The following USH2A variants were observed in gnomAD, a reference collection of about 807,000 sequenced individuals.
USH2A encodes the protein usherin.
A neutral mutation model predicts 538.9 loss-of-function variants in USH2A; 443 were observed. That is an observed-to-expected ratio of 0.82 (90% CI 0.76 to 0.89). USH2A has a LOEUF of 0.89. USH2A is among the 40% of genes least tolerant of loss of function. The pLI is 0.00. For synonymous variants in USH2A, 2,413 were observed against 2,273.5 expected (o/e 1.06, Z -1.75); for missense variants, 6,633 against 6,324.8 (o/e 1.05, Z -1.65).
chr1:215,955,968 G>T (rs921062291), intron 37 of USH2A, among the ~76,000 whole-genome samples: 2 of 152,160 alleles, frequency 1.3e-5, no homozygotes, highest in Non-Finnish European at 2.9e-5. Context: ...TCAGAGAAGG[G>T]AATTCCTTGC....
intron 3 of USH2A, among the ~76,000 whole-genome samples, chr1:216,377,866 A>AAG (rs2038863362): frequency 1.4e-5 from 2 of 141,800 alleles, no homozygotes; most frequent in Admixed American, 7.2e-5. Flanking sequence ...AAAGAAAGAA[A>AAG]GAAGGAAAGA....
chr1:216,224,680 T>G (rs2035526343), intron 14 of USH2A, among the ~76,000 whole-genome samples: 1 of 152,094 alleles, frequency 6.6e-6, no homozygotes, highest in Non-Finnish European at 1.5e-5. Flanking sequence ...TATTTTGCCC[T>G]TGGGAATACA....
intron 32 of USH2A, among the ~76,000 whole-genome samples, chr1:216,013,276 A>G (rs1485969067): frequency 2.0e-5 from 3 of 147,264 alleles, no homozygotes; most frequent in African/African-American, 7.5e-5. Context: ...ACCCCTTACC[A>G]CAAGACCTCC....
intron 3 of USH2A, among the ~76,000 whole-genome samples, chr1:216,374,060 G>A (rs12742138): frequency 7.4e-6 from 1 of 134,906 alleles, no homozygotes; most frequent in African/African-American, 2.8e-5. Context: ...CAATGAGAAC[G>A]CATGGACACA....
At chr1:216,097,586 G>A (rs981876228) in intron 21 of USH2A, among the ~76,000 whole-genome samples, 1 of 152,144 alleles carries the variant, frequency 6.6e-6, no homozygotes, top group African/African-American at 2.4e-5. Context: ...GAAACACAGA[G>A]GGTCTTGCTT....
chr1:216,325,727 A>C, intron 5 of USH2A, 128 bp from the exon 6 acceptor site: 1 of 891,930 alleles, frequency 1.1e-6, no homozygotes, highest in Non-Finnish European at 1.6e-6. Flanking sequence ...TAATAATTTG[A>C]TGCATGAAAC....
In USH2A at chr1:216,046,245, G is replaced by A. The variant is rs1178110444; in HGVS notation, c.6325+186C>T. On this transcript the variant is annotated intron_variant, in intron 32 of 71. Transcript: ENST00000307340. ...CAATGTAAATGCTATGTAAATAGTT[G>A]TTATACTATGTTTTTAGAATTTATA... Among the ~76,000 whole-genome samples the A allele has an allele frequency of 2.0e-5, 3 of 151,840 alleles. No homozygotes were observed. The East Asian group carries it at 5.8e-4, about 29-fold the overall frequency.
chr1:215,955,922 G>T (rs1480662311), intron 37 of USH2A, among the ~76,000 whole-genome samples: 1 of 152,154 alleles, frequency 6.6e-6, no homozygotes, highest in Non-Finnish European at 1.5e-5. Context: ...ATCCAAGGAA[G>T]TTGATCCCTA....
chr1:216,143,123 G>GTCT (rs1189827426), intron 21 of USH2A, among the ~76,000 whole-genome samples: 2 of 151,964 alleles, frequency 1.3e-5, no homozygotes, highest in Non-Finnish European at 2.9e-5. Flanking sequence ...TGCCAAACTT[G>GTCT]TCTATGTTGT....
At position 216,321,866 on chromosome 1, in the gene USH2A, CA is replaced by C. The variant is rs2037617296; in HGVS notation, c.1644+16del. 9 of 1,604,638 alleles carry C rather than the reference CA, an allele frequency of 5.6e-6. No homozygotes were observed. Among genetic ancestry groups the C allele is most frequent in the Non-Finnish European group, 7.7e-6 (9 of 1,171,516 alleles). On this transcript the variant is annotated intron_variant, in intron 9 of 71. Coordinates refer to ENST00000307340, the MANE Select transcript of USH2A (RefSeq NM_206933.4). ...ACTATTTTTTTTTTAGATTTCCATG[CA>C]TAAAATAGAACTCACATGAAGTCCT...
rs368734997 is a variant in USH2A at position 216,145,759 on chromosome 1, A to G, written c.4627+29493T>C. On this transcript the variant is annotated intron_variant, in intron 21 of 71. Coordinates refer to ENST00000307340, the MANE Select transcript of USH2A (RefSeq NM_206933.4). ...CACCACAAAAGAAGTGTAAATGGCC[A>G]GTCCTTGCCTTAACTGATGACATTA... 7.1e-3 allele frequency among the ~76,000 whole-genome samples: 1,084 copies of G among 152,286 alleles called. 9 individuals carry two copies. The highest frequency in any genetic ancestry group is 0.024 in the South Asian group (115 of 4,824).
At chr1:216,235,895 G>C (rs1029182818) in intron 13 of USH2A, among the ~76,000 whole-genome samples, 5 of 152,128 alleles carry the variant, frequency 3.3e-5, no homozygotes, top group Non-Finnish European at 5.9e-5. Flanking sequence ...AGGGATGGGT[G>C]GCTCACCTAT....
At chr1:215,755,917 T>C (rs1434642569) in intron 58 of USH2A, among the ~76,000 whole-genome samples, 3 of 152,180 alleles carry the variant, frequency 2.0e-5, no homozygotes, top group Non-Finnish European at 4.4e-5. Flanking sequence ...AATGACACGC[T>C]GGGAAATTTG....
chr1:216,134,738 T>C (rs1415618126), intron 21 of USH2A, among the ~76,000 whole-genome samples: 4 of 152,056 alleles, frequency 2.6e-5, no homozygotes, highest in African/African-American at 4.8e-5. Flanking sequence ...ATAAGACAGA[T>C]TCCATTGTTT....
chr1:216,175,509 T>C (rs1256701037), intron 20 of USH2A, 27 bp from the exon 21 acceptor site: 2 of 1,611,250 alleles, frequency 1.2e-6, no homozygotes, highest in African/African-American at 2.7e-5. Context: ...ACCTGTTATA[T>C]TCAAGAATTT....
At chr1:216,065,701 A>C (rs2031335207) in intron 30 of USH2A, among the ~76,000 whole-genome samples, 1 of 152,086 alleles carries the variant, frequency 6.6e-6, no homozygotes, top group South Asian at 2.1e-4. Flanking sequence ...GTTCGAGACC[A>C]GCCTGGCCAA....
rs1571703904 is a variant in USH2A at position 216,325,516 on chromosome 1, A to C, written c.932T>G (p.Val311Gly). Residue 311 changes from valine to glycine, a missense_variant, in exon 6 of 72, where the codon GTC becomes GGC. Transcript: ENST00000307340. ...GCAGTACCGCTGTGCCAAAGGGTGG[A>C]CCCGCGGGTGGCTGCCAGGGCAACG... ...HCRCPGSHPR[V>G]HPLAQRYCIP... The C allele has an allele frequency of 6.2e-7, 1 of 1,613,656 alleles. No individual in the cohort carries two copies.
Position 215,927,006 on chromosome 1 carries a change from C to A in USH2A, c.7300+7610G>T, listed in dbSNP as rs1666254831. ...AGTTGACTACTCTGTAGTTCAAGGG[C>A]AACATTCTGCAGTCGCAGGTAGAAT... On this transcript the variant is annotated intron_variant, in intron 38 of 71. Coordinates refer to ENST00000307340, the MANE Select transcript of USH2A (RefSeq NM_206933.4). Among the ~76,000 whole-genome samples the A allele has an allele frequency of 1.3e-5, 2 of 152,118 alleles. 1 individual carries two copies. The highest frequency in any genetic ancestry group is 4.1e-4 in the South Asian group (2 of 4,824).
intron 39 of USH2A, 46 bp from the exon 40 acceptor site, chr1:215,900,263 GAA>G (rs1558151611): frequency 5.0e-6 from 8 of 1,605,758 alleles, no homozygotes; most frequent in Non-Finnish European, 6.8e-6. Context: ...GACATTCAAA[GAA>G]ATAAAAGCAA....
Sources: gnomAD v4.1 joint callset for allele counts (sites outside exome capture counted in the v4.1 genomes callset) on GRCh38, gnomAD v4.1.1 for gene constraint, MANE v1.5 for transcripts, NCBI Gene and HGNC (gene_info 2026-07-23, HGNC 2026-07-21) for gene names.